The following CADPS2 variants were observed in gnomAD, a reference collection of about 807,000 sequenced individuals.
CADPS2 encodes the protein calcium dependent secretion activator 2.
CADPS2 carries 93 observed loss-of-function variants against 172.5 expected under a neutral mutation model. The observed-to-expected ratio is 0.54, with a 90% CI of 0.46 to 0.64. CADPS2 has a LOEUF of 0.64. Ranked by LOEUF, CADPS2 falls within the 30% of genes least tolerant of loss-of-function variation. The pLI is 0.00. For synonymous variants in CADPS2, 546 were observed against 555.2 expected (o/e 0.98, Z 0.23); for missense variants, 1,420 against 1,565.9 (o/e 0.91, Z 1.57).
At chr7:122,603,752 C>CTCT (rs1326394690) in intron 6 of CADPS2, among the ~76,000 whole-genome samples, 4 of 152,106 alleles carry the variant, frequency 2.6e-5, no homozygotes, top group Non-Finnish European at 5.9e-5. Flanking sequence ...CCACTATAAT[C>CTCT]CCCTGTCATT....
intron 1 of CADPS2, among the ~76,000 whole-genome samples, chr7:122,785,213 A>T (rs1793736992): frequency 6.6e-6 from 1 of 152,190 alleles, no homozygotes; most frequent in Non-Finnish European, 1.5e-5. Flanking sequence ...TCAAATGTTC[A>T]CGTCTCCTCC....
intron 8 of CADPS2, among the ~76,000 whole-genome samples, chr7:122,536,407 T>C (rs540448690): frequency 6.6e-6 from 1 of 152,036 alleles, no homozygotes; most frequent in Non-Finnish European, 1.5e-5. Flanking sequence ...GAAAGTGCTA[T>C]AGGATTCTGA....
Position 122,835,654 on chromosome 7 carries a change from C to T in CADPS2, c.339+50345G>A, listed in dbSNP as rs578063062. ...TGATGAATGTACAAGCTTCAGTAGC[C>T]GATTCAATCAACTGGAAGAAAGGGT... is the stretch of plus-strand genomic sequence containing the variant. On this transcript the variant is annotated intron_variant, in intron 1 of 29. Transcript: ENST00000449022. Among the ~76,000 whole-genome samples the T allele has an allele frequency of 6.6e-5, 10 of 152,012 alleles. No homozygotes were observed. The South Asian group carries it at 1.7e-3, about 25-fold the overall frequency.
chr7:122,663,866 C>T (rs1394820367), intron 2 of CADPS2, among the ~76,000 whole-genome samples: 1 of 152,038 alleles, frequency 6.6e-6, no homozygotes, highest in Admixed American at 6.5e-5. Context: ...AGAGTGATGT[C>T]CTTATGAATG....
chr7:122,844,467 G>A (rs983976903), intron 1 of CADPS2, among the ~76,000 whole-genome samples: 3 of 152,072 alleles, frequency 2.0e-5, no homozygotes, highest in African/African-American at 7.2e-5. Flanking sequence ...CTTTTTATAA[G>A]AGTTTCCTTC....
intron 1 of CADPS2, among the ~76,000 whole-genome samples, chr7:122,837,645 A>G (rs1456158993): frequency 6.6e-6 from 1 of 152,240 alleles, no homozygotes; most frequent in East Asian, 1.9e-4. Context: ...AGAATACTAT[A>G]AACACCTCTA....
intron 2 of CADPS2, among the ~76,000 whole-genome samples, chr7:122,680,326 T>A (rs1388730622): frequency 1.3e-5 from 2 of 152,246 alleles, no homozygotes; most frequent in Non-Finnish European, 2.9e-5. Context: ...TCTAGACCCT[T>A]ATCTATAAAC....
At chr7:122,878,639 C>CAGATAAAT (rs1433131130) in intron 1 of CADPS2, among the ~76,000 whole-genome samples, 11 of 138,936 alleles carry the variant, frequency 7.9e-5, no homozygotes, top group African/African-American at 3.0e-4. Flanking sequence ...GACTCTGTCT[C>CAGATAAAT]AAATAAATAA....
intron 1 of CADPS2, among the ~76,000 whole-genome samples, chr7:122,878,072 A>C (rs990138682): frequency 4.6e-5 from 7 of 151,392 alleles, no homozygotes; most frequent in African/African-American, 1.7e-4. Flanking sequence ...CCAGGCCAAC[A>C]TGGTGAAACC....
chr7:122,391,617 G>T (rs1585548534), intron 22 of CADPS2, among the ~76,000 whole-genome samples: 3 of 152,058 alleles, frequency 2.0e-5, no homozygotes, highest in African/African-American at 7.2e-5. Context: ...ATGACCAAAA[G>T]CATTTGCCTG....
At chr7:122,536,356 C>T (rs1364326234) in intron 8 of CADPS2, among the ~76,000 whole-genome samples, 1 of 151,944 alleles carries the variant, frequency 6.6e-6, no homozygotes, top group Non-Finnish European at 1.5e-5. Flanking sequence ...AGTAAGAGAG[C>T]TAAGAAAGAT....
At chr7:122,661,089 A>G (rs2080477064) in intron 3 of CADPS2, among the ~76,000 whole-genome samples, 2 of 152,206 alleles carry the variant, frequency 1.3e-5, no homozygotes, top group Admixed American at 1.3e-4. Flanking sequence ...GAAAAAGGAA[A>G]ATAATCAGGG....
Position 122,812,599 on chromosome 7 carries a change from C to A in CADPS2, c.339+73400G>T, listed in dbSNP as rs554676044. ...AAAATAGGTACTGGAATTCATTTTT[C>A]AAATAATAAGTCTTCTATTTTTTCT... On this transcript the variant is annotated intron_variant, in intron 1 of 29. Coordinates refer to ENST00000449022, the MANE Select transcript of CADPS2 (RefSeq NM_017954.11). 2.0e-5 allele frequency among the ~76,000 whole-genome samples: 3 copies of A among 152,066 alleles called. No homozygotes were observed. In the East Asian group the frequency reaches 5.8e-4, roughly 29 times the overall value.
intron 2 of CADPS2, among the ~76,000 whole-genome samples, chr7:122,674,152 G>A (rs570370349): frequency 1.6e-3 from 238 of 152,232 alleles, no homozygotes; most frequent in Non-Finnish European, 3.0e-3. Context: ...ATGCCCACCC[G>A]GAACTCACGC....
At chr7:122,515,960 A>T (rs1300226166) in intron 8 of CADPS2, among the ~76,000 whole-genome samples, 1 of 151,954 alleles carries the variant, frequency 6.6e-6, no homozygotes, top group Admixed American at 6.6e-5. Context: ...GCAAAAAAAG[A>T]ATAATAATCA....
At chr7:122,756,949 T>G (rs1244490747) in intron 1 of CADPS2, among the ~76,000 whole-genome samples, 2 of 150,946 alleles carry the variant, frequency 1.3e-5, no homozygotes, top group African/African-American at 4.9e-5. Context: ...CAGAACCCAA[T>G]CTCAAGTTCA....
chr7:122,648,919 G>A (rs73719728), intron 3 of CADPS2, among the ~76,000 whole-genome samples: 5,431 of 152,090 alleles, frequency 0.036, 309 homozygotes, highest in African/African-American at 0.12. Flanking sequence ...TTACCTGAAG[G>A]GCTAATATGT....
intron 2 of CADPS2, among the ~76,000 whole-genome samples, chr7:122,719,665 T>G (rs2090131355): frequency 6.6e-6 from 1 of 152,110 alleles, no homozygotes; most frequent in African/African-American, 2.4e-5. Context: ...CACATAAATT[T>G]ATTAGGAAAG....
intron 8 of CADPS2, among the ~76,000 whole-genome samples, chr7:122,521,236 G>A (rs2060763716): frequency 6.6e-6 from 1 of 152,066 alleles, no homozygotes; most frequent in Non-Finnish European, 1.5e-5. Context: ...ATCCACTTGT[G>A]AAAATGATTT....
Sources: gnomAD v4.1 joint callset for allele counts (sites outside exome capture counted in the v4.1 genomes callset) on GRCh38, gnomAD v4.1.1 for gene constraint, MANE v1.5 for transcripts, NCBI Gene and HGNC (gene_info 2026-07-23, HGNC 2026-07-21) for gene names.